The following RORB variants were observed in gnomAD, a reference collection of about 807,000 sequenced individuals.
RORB encodes the protein RAR related orphan receptor B, also known as nuclear receptor ROR-beta.
RORB carries 6 observed loss-of-function variants against 59.1 expected under a neutral mutation model. That is an observed-to-expected ratio of 0.10 (90% CI 0.06 to 0.20). The LOEUF (loss-of-function observed/expected upper bound fraction) is 0.20. RORB is among the 10% of genes least tolerant of loss of function. RORB has a pLI of 1.00. For synonymous variants in RORB, 215 were observed against 204.5 expected (o/e 1.05, Z -0.44); for missense variants, 320 against 560.5 (o/e 0.57, Z 4.33).
chr9:74,533,150 T>C (rs1018314184), intron 1 of RORB, among the ~76,000 whole-genome samples: 2 of 151,842 alleles, frequency 1.3e-5, no homozygotes, highest in African/African-American at 4.8e-5. Context: ...CTACCTCTGC[T>C]CCACACAAAC....
chr9:74,655,152 C>G (rs942731244), intron 4 of RORB, among the ~76,000 whole-genome samples: 3 of 152,214 alleles, frequency 2.0e-5, no homozygotes, highest in Admixed American at 2.0e-4. Context: ...AAACCTCTGT[C>G]TCACTGAACA....
intron 1 of RORB, among the ~76,000 whole-genome samples, chr9:74,605,321 G>T (rs1823131936): frequency 6.6e-6 from 1 of 152,162 alleles, no homozygotes. Flanking sequence ...GGGTTAGGAG[G>T]ATTGTAGATA....
At chr9:74,603,185 C>A (rs768792682) in intron 1 of RORB, among the ~76,000 whole-genome samples, 3 of 152,156 alleles carry the variant, frequency 2.0e-5, no homozygotes, top group Non-Finnish European at 4.4e-5. Flanking sequence ...TATGCCCAGT[C>A]GTGGCTCTCA....
At chr9:74,512,220 C>A (rs1416694983) in intron 1 of RORB, among the ~76,000 whole-genome samples, 1 of 152,084 alleles carries the variant, frequency 6.6e-6, no homozygotes, top group African/African-American at 2.4e-5. Context: ...TTGTGTCTAT[C>A]CCCTGACAAA....
intron 9 of RORB, among the ~76,000 whole-genome samples, chr9:74,677,160 T>C (rs1460991538): frequency 6.6e-6 from 1 of 152,184 alleles, no homozygotes; most frequent in African/African-American, 2.4e-5. Flanking sequence ...AGAGAGTAGA[T>C]TGATCTAACT....
intron 5 of RORB, 53 bp downstream of exon 5, chr9:74,660,791 T>G: frequency 6.4e-7 from 1 of 1,572,504 alleles, no homozygotes; most frequent in Non-Finnish European, 8.6e-7. Context: ...ATTGCTGTGT[T>G]GCTCAAGCTC....
chr9:74,502,011 C>T (rs1199785122), intron 1 of RORB, among the ~76,000 whole-genome samples: 3 of 152,050 alleles, frequency 2.0e-5, no homozygotes, highest in Admixed American at 2.0e-4. Flanking sequence ...TGAGTTTTTG[C>T]ATCATTATTA....
In RORB at chr9:74,497,588, A is replaced by C; in HGVS notation, c.-389A>C. On this transcript the variant is annotated 5_prime_UTR_variant, in exon 1 of 10. Transcript: ENST00000376896. ...GCCCTTCCTCCTCCTCCTCAGTCCAAGTGATCACAAAAGAAATCTTCTGAG... is the reference window on the plus strand; with the variant it reads ...GCCCTTCCTCCTCCTCCTCAGTCCACGTGATCACAAAAGAAATCTTCTGAG... 1 of 268,716 alleles carries C rather than the reference A, an allele frequency of 3.7e-6. No individual in the cohort carries two copies. Among genetic ancestry groups the C allele is most frequent in the East Asian group, 7.0e-5 (1 of 14,288 alleles). 16.6% of individuals were successfully genotyped at this position (268,716 alleles called of 1,614,324 possible). A position where few individuals can be genotyped will look rare whatever the true frequency, so the allele number is the denominator to read the frequency against.
chr9:74,643,526 G>A (rs1823845020), intron 4 of RORB, among the ~76,000 whole-genome samples: 1 of 152,180 alleles, frequency 6.6e-6, no homozygotes, highest in African/African-American at 2.4e-5. Context: ...CTGACCCACT[G>A]CAACTTTGTT....
At chr9:74,654,972 A>G (rs957692946) in intron 4 of RORB, among the ~76,000 whole-genome samples, 1 of 152,218 alleles carries the variant, frequency 6.6e-6, no homozygotes, top group African/African-American at 2.4e-5. Context: ...TTTAATATTA[A>G]CCTGCAATAC....
intron 1 of RORB, among the ~76,000 whole-genome samples, chr9:74,535,559 C>G (rs1209739408): frequency 6.6e-6 from 1 of 152,002 alleles, no homozygotes; most frequent in Non-Finnish European, 1.5e-5. Context: ...CACACACACA[C>G]ACTTTTATGT....
Position 74,688,899 on chromosome 9 carries a change from C to G in RORB, c.*3281C>G, listed in dbSNP as rs986348642. ...ATACAAATCCTGAACAAGGAAAATA[C>G]AGAAATCTAACTGGCATTAGATAAA... On this transcript the variant is annotated 3_prime_UTR_variant, in exon 10 of 10. Transcript: ENST00000376896. 1 of 152,142 alleles carries G rather than the reference C, an allele frequency of 6.6e-6. No homozygotes were observed. The highest frequency in any genetic ancestry group is 6.5e-5 in the Admixed American group (1 of 15,280). 9.4% of individuals were successfully genotyped at this position (152,142 alleles called of 1,614,324 possible).
intron 1 of RORB, among the ~76,000 whole-genome samples, chr9:74,610,910 C>T (rs1047717123): frequency 7.2e-5 from 11 of 152,130 alleles, no homozygotes; most frequent in African/African-American, 2.2e-4. Flanking sequence ...CCAGTGATGC[C>T]GCTGACTTTG....
chr9:74,508,410 G>T (rs1404665297), intron 1 of RORB, among the ~76,000 whole-genome samples: 1 of 151,922 alleles, frequency 6.6e-6, no homozygotes, highest in Non-Finnish European at 1.5e-5. Context: ...AACTGATTTG[G>T]AATTTTTTCC....
rs549550622 is a variant in RORB, at chr9:74,631,651, G to A, written c.93+1284G>A. On this transcript the variant is annotated intron_variant, in intron 2 of 9. Coordinates refer to ENST00000376896, the MANE Select transcript of RORB (RefSeq NM_006914.4). ...AAATAAGTAAGAATAAAGTGGGAGA[G>A]GGAAGAAGAAGGAGCATGATATTAA... Among the ~76,000 whole-genome samples, 67 of 152,260 alleles carry A rather than the reference G, an allele frequency of 4.4e-4. 1 individual carries two copies. The highest frequency in any genetic ancestry group is 1.5e-3 in the African/African-American group (64 of 41,536).
At chr9:74,678,130 A>C (rs1205348799) in intron 9 of RORB, among the ~76,000 whole-genome samples, 3 of 152,214 alleles carry the variant, frequency 2.0e-5, no homozygotes, top group Non-Finnish European at 4.4e-5. Context: ...TTAATTCTCA[A>C]AACTATACTC....
At chr9:74,593,086 G>C (rs972426427) in intron 1 of RORB, among the ~76,000 whole-genome samples, 2 of 152,102 alleles carry the variant, frequency 1.3e-5, no homozygotes, top group Non-Finnish European at 2.9e-5. Context: ...GTCTTCCCCA[G>C]ATACATACCA....
chr9:74,675,715 G>T (rs3793517), intron 9 of RORB, among the ~76,000 whole-genome samples: 8,988 of 152,238 alleles, frequency 0.059, 485 homozygotes, highest in East Asian at 0.29. Flanking sequence ...GCAAAGCCCG[G>T]GTTCAGAGGT....
At chr9:74,530,184 G>T (rs1826215054) in intron 1 of RORB, among the ~76,000 whole-genome samples, 1 of 152,132 alleles carries the variant, frequency 6.6e-6, no homozygotes, top group South Asian at 2.1e-4. Context: ...AAGTAAAATT[G>T]TATTCCCTCT....
Sources: gnomAD v4.1 joint callset for allele counts (sites outside exome capture counted in the v4.1 genomes callset) on GRCh38, gnomAD v4.1.1 for gene constraint, MANE v1.5 for transcripts, NCBI Gene and HGNC (gene_info 2026-07-23, HGNC 2026-07-21) for gene names.